The following KCNA6 variants were observed in gnomAD, a reference collection of about 807,000 sequenced individuals.
KCNA6 encodes human brain potassium channel-2.
KCNA6 carries 17 observed loss-of-function variants against 29.5 expected under a neutral mutation model. The observed-to-expected ratio is 0.58, with a 90% confidence interval of 0.39 to 0.86. The LOEUF is 0.86. Ranked by LOEUF, KCNA6 falls within the 40% of genes least tolerant of loss-of-function variation. KCNA6 has a pLI of 0.00. For missense variants in KCNA6, 450 were observed against 703.4 expected (o/e 0.64, Z 4.07); for synonymous variants, 296 against 304.7 (o/e 0.97, Z 0.30).
the KCNA6 span, among the ~76,000 whole-genome samples, chr12:4,833,847 A>G: frequency 7.9e-5 from 12 of 151,802 alleles, no homozygotes; most frequent in Non-Finnish European, 1.5e-4. Context: ...ACCATGATTA[A>G]CTTAGAGTCA....
At chr12:4,809,984 T>C in exon 1 of KCNA6, 1 of 1,489,922 alleles carries the variant, frequency 6.7e-7, no homozygotes, top group African/African-American at 1.4e-5. Context: ...GGTGCCGCGC[T>C]CCAGAGATTG....
chr12:4,836,555 A>G, the KCNA6 span, among the ~76,000 whole-genome samples: 11 of 152,344 alleles, frequency 7.2e-5, no homozygotes, highest in South Asian at 2.3e-3. Flanking sequence ...GCTGTGTTCA[A>G]GGAGCTAGGA....
At chr12:4,820,429 A>G in the KCNA6 span, among the ~76,000 whole-genome samples, 2 of 151,896 alleles carry the variant, frequency 1.3e-5, no homozygotes, top group African/African-American at 4.8e-5. Flanking sequence ...GAGAAGTGAA[A>G]TAATTTGCCG....
At chr12:4,830,081 C>T in the KCNA6 span, among the ~76,000 whole-genome samples, 1 of 152,196 alleles carries the variant, frequency 6.6e-6, no homozygotes, top group African/African-American at 2.4e-5. Context: ...CTTTCTTCCC[C>T]TTCTCAGCCA....
At chr12:4,834,482 T>C in the KCNA6 span, among the ~76,000 whole-genome samples, 5 of 152,230 alleles carry the variant, frequency 3.3e-5, no homozygotes, top group African/African-American at 1.2e-4. Context: ...CATGTCTAGA[T>C]GGCAGATACG....
At chr12:4,826,578 T>G in the KCNA6 span, among the ~76,000 whole-genome samples, 1 of 152,258 alleles carries the variant, frequency 6.6e-6, no homozygotes, top group African/African-American at 2.4e-5. Flanking sequence ...ACCCTACACA[T>G]GTCACCTGCC....
the KCNA6 span, among the ~76,000 whole-genome samples, chr12:4,827,572 C>CTGGTGTCTAAGGTG: frequency 2.0e-5 from 3 of 152,198 alleles, no homozygotes; most frequent in African/African-American, 7.2e-5. Context: ...TGGTGTTACT[C>CTGGTGTCTAAGGTG]TCTGGTATCC....
At chr12:4,845,010 TG>T in the KCNA6 span, among the ~76,000 whole-genome samples, 1 of 152,214 alleles carries the variant, frequency 6.6e-6, no homozygotes, top group Admixed American at 6.5e-5. Flanking sequence ...CATCAGGCTC[TG>T]GACCATTCAG....
chr12:4,826,471 G>T, the KCNA6 span, among the ~76,000 whole-genome samples: 5 of 152,210 alleles, frequency 3.3e-5, no homozygotes, highest in Admixed American at 6.5e-5. Context: ...ATGAGGAAAA[G>T]TTTCTGGTAT....
At chr12:4,830,565 C>G in the KCNA6 span, among the ~76,000 whole-genome samples, 3 of 152,352 alleles carry the variant, frequency 2.0e-5, no homozygotes, top group Non-Finnish European at 4.4e-5. Flanking sequence ...CGGCATCTGC[C>G]CCTTCCGCCA....
the KCNA6 span, among the ~76,000 whole-genome samples, chr12:4,845,537 A>C: frequency 6.6e-6 from 1 of 152,202 alleles, no homozygotes; most frequent in East Asian, 1.9e-4. Context: ...GGTTCCTAGA[A>C]AAAACAGAGG....
At chr12:4,850,139 G>T in the KCNA6 span, among the ~76,000 whole-genome samples, 1 of 152,222 alleles carries the variant, frequency 6.6e-6, no homozygotes, top group Non-Finnish European at 1.5e-5. The surrounding 1 kb of genome is among the most constrained non-coding windows in gnomAD (Gnocchi z 5.4). Flanking sequence ...GGAGGTGGGG[G>T]TTCAGCCGGG....
rs1184722355 is a variant in KCNA6 at position 4,812,651 on chromosome 12, T to C, written c.*1020T>C. ...TGCTTCCTGGGAGTTTGATTTAGGA[T>C]TGCTGTTGAAGGCTTCCTCAGGCAA... On this transcript the variant is annotated 3_prime_UTR_variant, in exon 1 of 1. Transcript: ENST00000280684. 5 of 167,110 alleles carry C rather than the reference T, an allele frequency of 3.0e-5. No homozygotes were observed. In the Admixed American group the frequency reaches 3.3e-4, roughly 11 times the overall value. The allele number at this position is 167,110 out of a possible 1,614,324, so 10.4% of individuals were successfully genotyped here.
chr12:4,824,783 C>A, the KCNA6 span, among the ~76,000 whole-genome samples: 2 of 152,188 alleles, frequency 1.3e-5, no homozygotes, highest in Admixed American at 6.5e-5. Context: ...CTTTTCTTTG[C>A]AATTATAATA....
the KCNA6 span, among the ~76,000 whole-genome samples, chr12:4,846,871 T>C: frequency 0.69 from 103,331 of 149,880 alleles, 36,410 homozygotes; most frequent in African/African-American, 0.76. Context: ...CTCTGCCTCC[T>C]GGGTTCACGC....
chr12:4,836,900 G>A, the KCNA6 span, among the ~76,000 whole-genome samples: 164 of 152,282 alleles, frequency 1.1e-3, 3 homozygotes, highest in East Asian at 0.027. Context: ...GTGATATTGC[G>A]GAATATATAT....
At chr12:4,840,965 T>C in the KCNA6 span, among the ~76,000 whole-genome samples, 1 of 152,242 alleles carries the variant, frequency 6.6e-6, no homozygotes, top group Admixed American at 6.5e-5. Context: ...GACAACCTGA[T>C]AGTCTTACTC....
chr12:4,833,719 G>T, the KCNA6 span, among the ~76,000 whole-genome samples: 1 of 152,132 alleles, frequency 6.6e-6, no homozygotes, highest in East Asian at 1.9e-4. Flanking sequence ...GTGTGTGAAG[G>T]CAGGAAGGGT....
chr12:4,843,930 G>T, the KCNA6 span, among the ~76,000 whole-genome samples: 2 of 152,026 alleles, frequency 1.3e-5, no homozygotes, highest in Non-Finnish European at 2.9e-5. Context: ...ATAAAGTTTG[G>T]GTGGAGACAG....
Sources: allele counts gnomAD v4.1 joint callset (sites outside exome capture counted in the v4.1 genomes callset), GRCh38; gene constraint gnomAD v4.1.1; non-coding constraint Gnocchi (gnomAD v3.1); transcripts MANE v1.5; gene names NCBI Gene and HGNC (gene_info 2026-07-23, HGNC 2026-07-21).